The following ITPKB variants were observed in gnomAD, a reference collection of about 807,000 sequenced individuals.
The protein encoded by ITPKB is inositol-trisphosphate 3-kinase B.
ITPKB carries 13 observed loss-of-function variants against 69.4 expected under a neutral mutation model. The ratio of observed to expected loss-of-function variants is 0.19; its 90% CI spans 0.12 to 0.30. The LOEUF (loss-of-function observed/expected upper bound fraction) is 0.30. Ranked by LOEUF, ITPKB falls within the 10% of genes least tolerant of loss-of-function variation. The pLI is 1.00. For missense variants in ITPKB, 1,240 were observed against 1,250.5 expected (o/e 0.99, Z 0.13); for synonymous variants, 584 against 513.7 (o/e 1.14, Z -1.85).
At chr1:226,665,246 C>T (rs1669474900) in intron 2 of ITPKB, among the ~76,000 whole-genome samples, 1 of 152,200 alleles carries the variant, frequency 6.6e-6, no homozygotes, top group Non-Finnish European at 1.5e-5. Flanking sequence ...AGGTCACCTG[C>T]CCGGCCCCTG....
At chr1:226,668,828 A>C (rs1006993487) in intron 2 of ITPKB, 5 of 152,226 alleles carry the variant, frequency 3.3e-5, no homozygotes, top group Non-Finnish European at 5.9e-5. Flanking sequence ...AGTATTTACG[A>C]AGTCTGATCA....
intron 2 of ITPKB, among the ~76,000 whole-genome samples, chr1:226,651,818 C>T (rs1669200036): frequency 6.6e-6 from 1 of 152,154 alleles, no homozygotes; most frequent in Non-Finnish European, 1.5e-5. Context: ...TCTGACAGTT[C>T]AAAGGATCCA....
chr1:226,673,091 G>T (rs1669651113), intron 2 of ITPKB, among the ~76,000 whole-genome samples: 1 of 152,258 alleles, frequency 6.6e-6, no homozygotes, highest in Non-Finnish European at 1.5e-5. Context: ...ACAGGGATGG[G>T]CCGGATGCAG....
At chr1:226,721,016 TG>T (rs1657225642) in intron 2 of ITPKB, among the ~76,000 whole-genome samples, 1 of 146,674 alleles carries the variant, frequency 6.8e-6, no homozygotes, top group South Asian at 2.2e-4. Context: ...CACCCCAGCC[TG>T]GGCGACAGAT....
chr1:226,667,936 C>T (rs932335978), intron 2 of ITPKB, among the ~76,000 whole-genome samples: 1 of 151,248 alleles, frequency 6.6e-6, no homozygotes, highest in Admixed American at 6.6e-5. Context: ...AAAGCACCAA[C>T]AGCACAGCCA....
chr1:226,641,995 T>A lies in ITPKB; in HGVS notation c.2377A>T (p.Lys793Ter). The stretch of plus-strand genomic sequence containing the variant: ...TCCCGCCACTGCATGTACCGTGGCT[T>A]GGTCACAGCCCGCTGTGCTTTTTCC... ...EEEKAQRAVT[K>*]PRYMQWRETI... The change falls in exon 5 of 8, where the codon AAG becomes TAG. Residue 793 changes from lysine to a stop codon, truncating the protein, a stop_gained. Coordinates refer to ENST00000429204, the MANE Select transcript of ITPKB (RefSeq NM_002221.4). LOFTEE classifies it high-confidence loss of function. The surrounding 1 kb of genome is among the most constrained non-coding windows in gnomAD (Gnocchi z 4.6). The A allele has an allele frequency of 6.2e-7, 1 of 1,614,224 alleles. No individual in the cohort carries two copies. The highest frequency in any genetic ancestry group is 8.5e-7 in the Non-Finnish European group (1 of 1,180,042).
rs116012315 is a variant in ITPKB, at chr1:226,641,641, G to A, written c.2451+280C>T. Among the ~76,000 whole-genome samples the A allele has an allele frequency of 1.9e-3, 286 of 152,352 alleles. No homozygotes were observed. Among genetic ancestry groups the A allele is most frequent in the African/African-American group, 6.2e-3 (258 of 41,582 alleles). The stretch of plus-strand genomic sequence containing the variant: ...CGCAGGTGCCTCTCGCCTGGCTTTC[G>A]GTGCCAGGCACCGTCTGGGCTAAAT... On this transcript the variant is annotated intron_variant, in intron 5 of 7. Coordinates refer to ENST00000429204, the MANE Select transcript of ITPKB (RefSeq NM_002221.4). The surrounding 1 kb of genome is among the most constrained non-coding windows in gnomAD (Gnocchi z 4.6).
intron 2 of ITPKB, among the ~76,000 whole-genome samples, chr1:226,725,709 T>A (rs1029739508): frequency 6.6e-6 from 1 of 152,162 alleles, no homozygotes; most frequent in Non-Finnish European, 1.5e-5. Context: ...GTCTGTTACA[T>A]CTGCATGCCC....
chr1:226,644,919 T>C (rs1432015825), intron 4 of ITPKB, among the ~76,000 whole-genome samples: 1 of 152,182 alleles, frequency 6.6e-6, no homozygotes, highest in Admixed American at 6.5e-5. Context: ...CAAATGGAAC[T>C]AGCCTGGCAC....
rs1259713566 is a variant in ITPKB, at chr1:226,735,535, G to A, written c.1924C>T (p.Pro642Ser). 6.6e-7 allele frequency: 1 copy of A among 1,515,156 alleles called. No homozygotes were observed. The highest frequency in any genetic ancestry group is 8.8e-7 in the Non-Finnish European group (1 of 1,130,402). 93.9% of individuals were successfully genotyped at this position (1,515,156 alleles called of 1,614,324 possible). ...CTCAGAGCAAGACTTACCACTCTAG[G>A]TTTCTGCTGGTCCAGGGTATGCAGG... ...AFLHTLDQQK[P>S]RVSKSWRKIK... The change falls in exon 2 of 8, where the codon CCT becomes TCT. Residue 642 changes from proline to serine, a missense_variant. Transcript: ENST00000429204.
chr1:226,666,277 G>T (rs1558079129), intron 2 of ITPKB, among the ~76,000 whole-genome samples: 1 of 152,200 alleles, frequency 6.6e-6, no homozygotes, highest in Non-Finnish European at 1.5e-5. Context: ...CCCAATCAGG[G>T]CAAGACTCAG....
intron 2 of ITPKB, among the ~76,000 whole-genome samples, chr1:226,655,871 G>T (rs1013970168): frequency 2.6e-5 from 4 of 152,228 alleles, no homozygotes; most frequent in Non-Finnish European, 5.9e-5. Context: ...CGTGAGGACT[G>T]CAGGTCACTG....
At position 226,637,791 on chromosome 1, in the gene ITPKB, G is replaced by A; in HGVS notation, c.2554-41C>T. ...GGACCAGATTTTTAAGCGCCGCGTG[G>A]GGAAGGGCAGTGTCAGAACACCCAT... On this transcript the variant is annotated intron_variant, in intron 6 of 7. Transcript: ENST00000429204. The surrounding 1 kb of genome is among the most constrained non-coding windows in gnomAD (Gnocchi z 4.3). 1 of 1,489,472 alleles carries A rather than the reference G, an allele frequency of 6.7e-7. No individual in the cohort carries two copies. Among genetic ancestry groups the A allele is most frequent in the Non-Finnish European group, 9.3e-7 (1 of 1,070,800 alleles). 92.3% of individuals were successfully genotyped at this position (1,489,472 alleles called of 1,614,324 possible).
chr1:226,684,610 G>A (rs771725046), intron 2 of ITPKB, among the ~76,000 whole-genome samples: 1 of 152,164 alleles, frequency 6.6e-6, no homozygotes, highest in Admixed American at 6.5e-5. Context: ...TTCCACAATA[G>A]AGAACACTGG....
chr1:226,712,339 C>T (rs1488873032), intron 2 of ITPKB, among the ~76,000 whole-genome samples: 3 of 152,174 alleles, frequency 2.0e-5, no homozygotes, highest in Non-Finnish European at 4.4e-5. Context: ...CCTTCGTGGT[C>T]ACTGCAGGCA....
intron 2 of ITPKB, among the ~76,000 whole-genome samples, chr1:226,651,559 G>C (rs969806791): frequency 6.6e-6 from 1 of 152,158 alleles, no homozygotes; most frequent in African/African-American, 2.4e-5. Flanking sequence ...CCTAGGTTCT[G>C]AACAATAAAG....
chr1:226,657,879 C>T (rs901235758), intron 2 of ITPKB, among the ~76,000 whole-genome samples: 1 of 152,186 alleles, frequency 6.6e-6, no homozygotes, highest in Non-Finnish European at 1.5e-5. Context: ...AATAGCCTCA[C>T]ATAAACAGCA....
chr1:226,696,706 A>G (rs1224060515), intron 2 of ITPKB, among the ~76,000 whole-genome samples: 1 of 152,288 alleles, frequency 6.6e-6, no homozygotes, highest in Middle Eastern at 3.4e-3. Context: ...ACGCGCACAC[A>G]CACACACGCA....
chr1:226,732,595 C>A (rs1475876081), intron 2 of ITPKB, among the ~76,000 whole-genome samples: 1 of 146,314 alleles, frequency 6.8e-6, no homozygotes, highest in Non-Finnish European at 1.5e-5. Context: ...TGAAATAAAT[C>A]AATAAAAATC....
Sources: allele counts gnomAD v4.1 joint callset (sites outside exome capture counted in the v4.1 genomes callset), GRCh38; gene constraint gnomAD v4.1.1; non-coding constraint Gnocchi (gnomAD v3.1); transcripts MANE v1.5; gene names NCBI Gene and HGNC (gene_info 2026-07-23, HGNC 2026-07-21).